KCNU1: variants seen among roughly 807,000 people sequenced by gnomAD.
The protein encoded by KCNU1 is potassium channel subfamily U member 1.
In KCNU1, 93 loss-of-function variants were observed where a neutral mutation model predicts 126.8. The ratio of observed to expected loss-of-function variants is 0.73; its 90% CI spans 0.62 to 0.87. KCNU1 has a LOEUF of 0.87. KCNU1 is among the 40% of genes least tolerant of loss of function. KCNU1 has a pLI of 0.00. For missense variants in KCNU1, 1,330 were observed against 1,367.1 expected (o/e 0.97, Z 0.43); for synonymous variants, 523 against 494.2 (o/e 1.06, Z -0.77).
intron 18 of KCNU1, among the ~76,000 whole-genome samples, chr8:36,846,479 C>A (rs1805149243): frequency 6.6e-6 from 1 of 152,142 alleles, no homozygotes; most frequent in Non-Finnish European, 1.5e-5. Flanking sequence ...TAATCTCAAG[C>A]ATTCATAATC....
intron 19 of KCNU1, among the ~76,000 whole-genome samples, chr8:36,873,170 T>A (rs1409271814): frequency 6.6e-6 from 1 of 152,192 alleles, no homozygotes; most frequent in Non-Finnish European, 1.5e-5. Flanking sequence ...TCACCTTTAG[T>A]AATAAGAGAG....
At chr8:36,903,062 T>A (rs1041605936) in intron 19 of KCNU1, among the ~76,000 whole-genome samples, 3 of 152,140 alleles carry the variant, frequency 2.0e-5, no homozygotes, top group Non-Finnish European at 2.9e-5. Context: ...CCTTGGCCAC[T>A]CTTATTAGGA....
chr8:36,885,359 A>G (rs867004962), intron 19 of KCNU1, among the ~76,000 whole-genome samples: 22 of 152,022 alleles, frequency 1.4e-4, no homozygotes, highest in African/African-American at 4.6e-4. Flanking sequence ...GTTGAAGACC[A>G]GCCCGACCAA....
intron 2 of KCNU1, among the ~76,000 whole-genome samples, chr8:36,792,682 T>C (rs985224642): frequency 1.3e-5 from 2 of 152,142 alleles, no homozygotes; most frequent in African/African-American, 4.8e-5. Flanking sequence ...CAATGTAAAA[T>C]TTATAAAGTG....
intron 10 of KCNU1, among the ~76,000 whole-genome samples, chr8:36,830,918 C>T (rs1287228887): frequency 9.9e-5 from 12 of 121,286 alleles, no homozygotes; most frequent in African/African-American, 3.8e-4. Flanking sequence ...CTCCCCCCAC[C>T]CCACAACAGT....
At chr8:36,927,442 T>C (rs1320782783) in intron 24 of KCNU1, among the ~76,000 whole-genome samples, 2 of 152,154 alleles carry the variant, frequency 1.3e-5, no homozygotes, top group African/African-American at 4.8e-5. Context: ...GGTTCCTATC[T>C]GGTTCTGCAA....
At chr8:36,832,848 A>G (rs1031583251) in intron 10 of KCNU1, among the ~76,000 whole-genome samples, 10 of 152,090 alleles carry the variant, frequency 6.6e-5, no homozygotes, top group African/African-American at 2.4e-4. Flanking sequence ...CTCAAAGCAT[A>G]TATATTTAAT....
At chr8:36,880,477 G>A (rs1035661419) in intron 19 of KCNU1, among the ~76,000 whole-genome samples, 2 of 152,060 alleles carry the variant, frequency 1.3e-5, no homozygotes, top group Admixed American at 1.3e-4. Flanking sequence ...ATGAACAGAT[G>A]GGGTGTCGAA....
At chr8:36,784,645 A>C in intron 1 of KCNU1, 40 bp downstream of exon 1, 1 of 1,486,454 alleles carries the variant, frequency 6.7e-7, no homozygotes, top group Non-Finnish European at 9.2e-7. Context: ...GTGAAGTCAG[A>C]GATGAGTTTG....
At position 36,840,964 on chromosome 8, in the gene KCNU1, T is replaced by C. The variant is rs1804928667; in HGVS notation, c.1664T>C (p.Ile555Thr). Residue 555 changes from isoleucine to threonine, a missense_variant, in exon 16 of 27, where the codon ATA becomes ACA. Around this residue, in one of 3 missense-constraint regions of KCNU1, gnomAD observed 1,054 missense variants for 1,053.9 expected, o/e 1.00. Transcript: ENST00000399881. ...TTTCTGAAGATGCACCTCCTGTTGA[T>C]AGCCATCGAATACAAGTCCCTCTTT... ...LCFLKMHLLL[I>T]AIEYKSLFTD... 2.5e-6 allele frequency: 4 copies of C among 1,612,830 alleles called. No homozygotes were observed. The highest frequency in any genetic ancestry group is 2.7e-5 in the African/African-American group (2 of 74,804).
chr8:36,828,315 A>G (rs1483240645), intron 10 of KCNU1, among the ~76,000 whole-genome samples: 1 of 152,120 alleles, frequency 6.6e-6, no homozygotes, highest in Admixed American at 6.6e-5. Context: ...GTAAGCACCA[A>G]TGCATGAACT....
intron 25 of KCNU1, 70 bp downstream of exon 25, chr8:36,931,215 G>C: frequency 8.9e-7 from 1 of 1,122,174 alleles, no homozygotes; most frequent in East Asian, 2.5e-5. Context: ...AATGGTCCAG[G>C]CTATTTGGGT....
chr8:36,813,904 G>A (rs1228092605), intron 7 of KCNU1, among the ~76,000 whole-genome samples: 1 of 152,020 alleles, frequency 6.6e-6, no homozygotes, highest in Non-Finnish European at 1.5e-5. Flanking sequence ...CAATGCTTGT[G>A]CCCACTTGAA....
In KCNU1 at chr8:36,851,121, C is replaced by A. The variant is rs141468942; in HGVS notation, c.1891+5222C>A. On this transcript the variant is annotated intron_variant, in intron 18 of 26. Transcript: ENST00000399881. Reference sequence around the variant, plus strand: ...ATGTTAATTTCTGCAAGGAAACTAGCTGGGATTTTAACTGTGAGCCTTTTG... The same window carrying A: ...ATGTTAATTTCTGCAAGGAAACTAGATGGGATTTTAACTGTGAGCCTTTTG... Among the ~76,000 whole-genome samples, 283 of 152,222 alleles carry A rather than the reference C, an allele frequency of 1.9e-3. 2 individuals carry two copies. Among genetic ancestry groups the A allele is most frequent in the African/African-American group, 6.5e-3 (271 of 41,540 alleles).
At chr8:36,841,871 T>G (rs1804968805) in intron 16 of KCNU1, among the ~76,000 whole-genome samples, 1 of 151,510 alleles carries the variant, frequency 6.6e-6, no homozygotes, top group Non-Finnish European at 1.5e-5. Flanking sequence ...AGTTATCACA[T>G]AATGCAAAAT....
chr8:36,879,238 T>TATATATATATATAC (rs1216880068), intron 19 of KCNU1, among the ~76,000 whole-genome samples: 26 of 139,316 alleles, frequency 1.9e-4, no homozygotes, highest in South Asian at 1.4e-3. Flanking sequence ...TATATATATA[T>TATATATATATATAC]ACACACACAT....
At chr8:36,819,823 A>G (rs758279016) in intron 10 of KCNU1, among the ~76,000 whole-genome samples, 6 of 152,064 alleles carry the variant, frequency 3.9e-5, no homozygotes, top group Non-Finnish European at 8.8e-5. Context: ...TTCTTTTGCT[A>G]TATACTCCTG....
At chr8:36,843,249 CTACCTAACACACATG>C (rs1169283383) in intron 16 of KCNU1, among the ~76,000 whole-genome samples, 1 of 152,168 alleles carries the variant, frequency 6.6e-6, no homozygotes, top group Non-Finnish European at 1.5e-5. Flanking sequence ...GCCCTGTTTA[CTACCTAACACACATG>C]TACCTCAATG....
At chr8:36,921,659 GA>G (rs58109120) in intron 23 of KCNU1, among the ~76,000 whole-genome samples, 79,231 of 97,686 alleles carry the variant, frequency 0.81, 31,935 homozygotes, top group East Asian at 0.88. Flanking sequence ...ATGAAGTGAG[GA>G]AAAAAAAAAA....
Sources: gnomAD v4.1 joint callset for allele counts (sites outside exome capture counted in the v4.1 genomes callset) on GRCh38, gnomAD v4.1.1 for gene constraint, gnomAD v4.1.1 regional missense constraint, MANE v1.5 for transcripts, NCBI Gene and HGNC (gene_info 2026-07-23, HGNC 2026-07-21) for gene names.